The following FILIP1L variants were observed in gnomAD, a reference collection of about 807,000 sequenced individuals.
FILIP1L encodes the protein filamin A interacting protein 1 like, also known as filamin A-interacting protein 1-like.
In FILIP1L, 55 loss-of-function variants were observed where a neutral mutation model predicts 96.6. The ratio of observed to expected loss-of-function variants is 0.57; its 90% CI spans 0.46 to 0.71. The LOEUF is 0.71. FILIP1L is among the 30% of genes least tolerant of loss of function. The pLI, the probability that FILIP1L is intolerant of heterozygous loss-of-function variation, is 0.00. For synonymous variants in FILIP1L, 467 were observed against 473.9 expected (o/e 0.99, Z 0.19); for missense variants, 1,304 against 1,321.2 (o/e 0.99, Z 0.20).
chr3:99,899,492 T>A (rs1031724470), intron 4 of FILIP1L, among the ~76,000 whole-genome samples: 1 of 152,214 alleles, frequency 6.6e-6, no homozygotes, highest in African/African-American at 2.4e-5. Flanking sequence ...ACTAAACAAG[T>A]TATTGTATAT....
intron 1 of FILIP1L, among the ~76,000 whole-genome samples, chr3:99,932,955 C>G (rs1707533662): frequency 1.3e-5 from 2 of 152,192 alleles, no homozygotes; most frequent in African/African-American, 4.8e-5. Context: ...GGAGCACTTA[C>G]TATGTGTGCT....
intron 4 of FILIP1L, among the ~76,000 whole-genome samples, chr3:99,922,084 T>G (rs1010056689): frequency 2.0e-5 from 3 of 152,202 alleles, no homozygotes; most frequent in Admixed American, 2.0e-4. Flanking sequence ...TCTTGCCTTT[T>G]CATTAATGTG....
chr3:99,985,951 G>A (rs1288468764), intron 1 of FILIP1L, among the ~76,000 whole-genome samples: 1 of 152,162 alleles, frequency 6.6e-6, no homozygotes, highest in Non-Finnish European at 1.5e-5. Context: ...GTTAAAGTCA[G>A]TATGACCACA....
At chr3:100,062,884 A>G (rs1011026075) in intron 1 of FILIP1L, among the ~76,000 whole-genome samples, 3 of 152,190 alleles carry the variant, frequency 2.0e-5, no homozygotes, top group African/African-American at 7.2e-5. Context: ...AGTGGACATC[A>G]TGAGACCTGG....
chr3:99,925,943 A>T, intron 3 of FILIP1L: 3 of 935,750 alleles, frequency 3.2e-6, no homozygotes, highest in Non-Finnish European at 3.8e-6. Flanking sequence ...GCAAGAGCTA[A>T]CTCGGGATCT....
chr3:99,873,246 C>G (rs1274582028), intron 4 of FILIP1L, among the ~76,000 whole-genome samples: 1 of 152,176 alleles, frequency 6.6e-6, no homozygotes, highest in Non-Finnish European at 1.5e-5. Context: ...ACTAAACAAT[C>G]AGTTTAAATT....
At chr3:99,945,924 G>A (rs999135294) in intron 1 of FILIP1L, among the ~76,000 whole-genome samples, 5 of 152,258 alleles carry the variant, frequency 3.3e-5, no homozygotes, top group African/African-American at 1.2e-4. Flanking sequence ...ACATGCTTTT[G>A]TGTCCACAGC....
chr3:99,920,245 C>CA (rs1289941636), intron 4 of FILIP1L, among the ~76,000 whole-genome samples: 1 of 150,844 alleles, frequency 6.6e-6, no homozygotes, highest in Non-Finnish European at 1.5e-5. Context: ...TGCATGGTTT[C>CA]AAAAAAAAGC....
rs542051053 is a variant in FILIP1L at position 99,857,214 on chromosome 3, T to G, written c.606-6144A>C. Among the ~76,000 whole-genome samples, 29 of 152,358 alleles carry G rather than the reference T, an allele frequency of 1.9e-4. 1 individual carries two copies. The South Asian group carries it at 6.0e-3, about 32-fold the overall frequency. ...TGCTCTAATATTTACCATGTACATG[T>G]TTTTAGGCATTTAAGAAAATGAGGT... is the stretch of plus-strand genomic sequence containing the variant. On this transcript the variant is annotated intron_variant, in intron 4 of 5. Coordinates refer to ENST00000477258, the MANE Select transcript of FILIP1L (RefSeq NM_001387850.1).
chr3:99,988,793 T>C (rs1053825311), intron 1 of FILIP1L, among the ~76,000 whole-genome samples: 3 of 152,236 alleles, frequency 2.0e-5, no homozygotes, highest in Admixed American at 6.5e-5. Flanking sequence ...ACTTCCACCA[T>C]TGACCCATTG....
At chr3:100,034,853 G>A (rs867811480) in intron 1 of FILIP1L, among the ~76,000 whole-genome samples, 7 of 152,126 alleles carry the variant, frequency 4.6e-5, no homozygotes, top group Non-Finnish European at 1.0e-4. Flanking sequence ...ATATACATAC[G>A]AATATATTTG....
intron 1 of FILIP1L, among the ~76,000 whole-genome samples, chr3:99,990,584 C>A (rs1709482949): frequency 6.6e-6 from 1 of 152,124 alleles, no homozygotes; most frequent in Non-Finnish European, 1.5e-5. Flanking sequence ...TGGAGAGCCT[C>A]TAAATAATAC....
intron 4 of FILIP1L, among the ~76,000 whole-genome samples, chr3:99,921,822 A>G (rs955826066): frequency 2.0e-5 from 3 of 152,224 alleles, no homozygotes; most frequent in Admixed American, 6.5e-5. Context: ...TATACACTTT[A>G]CATTTTTCCC....
chr3:99,902,855 A>G (rs756095240), intron 4 of FILIP1L, among the ~76,000 whole-genome samples: 22 of 152,344 alleles, frequency 1.4e-4, no homozygotes, highest in African/African-American at 5.3e-4. Flanking sequence ...TGAAATTTAG[A>G]TGATAAATTG....
chr3:100,009,170 G>T (rs1452665493), intron 1 of FILIP1L, among the ~76,000 whole-genome samples: 4 of 152,164 alleles, frequency 2.6e-5, no homozygotes, highest in Non-Finnish European at 5.9e-5. Context: ...ACTGAGGCCT[G>T]TTTCAATTTG....
intron 1 of FILIP1L, among the ~76,000 whole-genome samples, chr3:99,981,802 C>G (rs1709132524): frequency 6.6e-6 from 1 of 152,116 alleles, no homozygotes; most frequent in South Asian, 2.1e-4. Context: ...TTCACACATG[C>G]ACATGCATAA....
chr3:99,906,919 A>G (rs1450696261), intron 4 of FILIP1L, among the ~76,000 whole-genome samples: 6 of 152,230 alleles, frequency 3.9e-5, no homozygotes, highest in African/African-American at 1.4e-4. Context: ...AGTATTGATC[A>G]TGTGGATGAA....
chr3:100,077,770 C>T (rs2065872580), intron 1 of FILIP1L, among the ~76,000 whole-genome samples: 2 of 152,048 alleles, frequency 1.3e-5, no homozygotes, highest in South Asian at 2.1e-4. Flanking sequence ...ATTAGCCAAG[C>T]ATGGCTGTGC....
chr3:99,960,283 A>G (rs1010050869), intron 1 of FILIP1L, among the ~76,000 whole-genome samples: 5 of 152,132 alleles, frequency 3.3e-5, no homozygotes, highest in Non-Finnish European at 7.3e-5. Context: ...CAACAACACT[A>G]TGAGGTAGGT....
Sources: allele counts gnomAD v4.1 joint callset (sites outside exome capture counted in the v4.1 genomes callset), GRCh38; gene constraint gnomAD v4.1.1; transcripts MANE v1.5; gene names NCBI Gene and HGNC (gene_info 2026-07-23, HGNC 2026-07-21).